The following PTPRD variants were observed in gnomAD, a reference collection of about 807,000 sequenced individuals.
The protein encoded by PTPRD is protein tyrosine phosphatase receptor type D, also known as receptor-type tyrosine-protein phosphatase delta.
In PTPRD, 34 loss-of-function variants were observed where a neutral mutation model predicts 214.5. The ratio of observed to expected loss-of-function variants is 0.16; its 90% CI spans 0.12 to 0.21. The LOEUF is 0.21. PTPRD is among the 10% of genes least tolerant of loss of function. The pLI is 1.00. For synonymous variants in PTPRD, 1,128 were observed against 845.7 expected (o/e 1.33, Z -5.79); for missense variants, 2,545 against 2,398.7 (o/e 1.06, Z -1.27).
At chr9:8,451,134 AG>A (rs924213459) in intron 33 of PTPRD, among the ~76,000 whole-genome samples, 3 of 152,194 alleles carry the variant, frequency 2.0e-5, no homozygotes, top group Admixed American at 6.5e-5. Context: ...AAAACTAACC[AG>A]GGGGTGAAGA....
intron 10 of PTPRD, among the ~76,000 whole-genome samples, chr9:9,092,569 G>T (rs999750295): frequency 6.6e-6 from 1 of 151,930 alleles, no homozygotes; most frequent in African/African-American, 2.4e-5. Flanking sequence ...ATATGAAAAA[G>T]TTATGACTTG....
rs553068632 is a variant in PTPRD at position 10,048,885 on chromosome 9, C to G, written c.-544-15095G>C. Among the ~76,000 whole-genome samples the G allele has an allele frequency of 2.6e-5, 4 of 151,904 alleles. No homozygotes were observed. In the South Asian group the frequency reaches 8.3e-4, roughly 32 times the overall value. Reference sequence around the variant, plus strand: ...TGAATTTTAACAGAGTCAAATTTAGCAAGCAGAAAGAGCAGAAAGGTGGTG... The same window carrying G: ...TGAATTTTAACAGAGTCAAATTTAGGAAGCAGAAAGAGCAGAAAGGTGGTG... On this transcript the variant is annotated intron_variant, in intron 3 of 45. Coordinates refer to ENST00000381196, the MANE Select transcript of PTPRD (RefSeq NM_002839.4).
intron 10 of PTPRD, among the ~76,000 whole-genome samples, chr9:9,064,078 T>C (rs972701686): frequency 2.6e-5 from 4 of 152,278 alleles, no homozygotes; most frequent in Admixed American, 6.5e-5. Flanking sequence ...ATTGTGCTAA[T>C]AATATACCAT....
At chr9:9,890,626 T>A (rs751488732) in intron 5 of PTPRD, among the ~76,000 whole-genome samples, 16 of 152,086 alleles carry the variant, frequency 1.1e-4, no homozygotes, top group Non-Finnish European at 2.2e-4. Flanking sequence ...GAGCAGGTTC[T>A]GGGATGGGAC....
At chr9:9,319,780 GA>G (rs987978207) in intron 9 of PTPRD, among the ~76,000 whole-genome samples, 1 of 152,088 alleles carries the variant, frequency 6.6e-6, no homozygotes, top group African/African-American at 2.4e-5. Context: ...ATTAAAATAA[GA>G]AAAACCAAGG....
intron 7 of PTPRD, among the ~76,000 whole-genome samples, chr9:9,661,002 A>T (rs2096612163): frequency 6.6e-6 from 1 of 151,974 alleles, no homozygotes; most frequent in South Asian, 2.1e-4. Context: ...TTATTCAGGT[A>T]ATGATCTAAA....
chr9:8,857,573 G>A (rs541941082), intron 11 of PTPRD: 1 of 152,702 alleles, frequency 6.5e-6, no homozygotes, highest in South Asian at 2.0e-4. Context: ...CGGGCGCAGG[G>A]CGATTCCGGA....
chr9:10,042,173 G>C (rs532046528), intron 3 of PTPRD, among the ~76,000 whole-genome samples: 22 of 152,028 alleles, frequency 1.4e-4, no homozygotes, highest in Non-Finnish European at 2.7e-4. Flanking sequence ...GCATATAAAA[G>C]ATAAGAGCAA....
chr9:10,387,273 A>C (rs976725363), intron 2 of PTPRD, among the ~76,000 whole-genome samples: 1 of 151,924 alleles, frequency 6.6e-6, no homozygotes, highest in African/African-American at 2.4e-5. Context: ...ACAGTCTCCA[A>C]TAATGCCTGT....
At chr9:8,339,154 A>G (rs2132254714) in intron 42 of PTPRD, 107 bp from the exon 43 acceptor site, 7 of 1,230,002 alleles carry the variant, frequency 5.7e-6, no homozygotes, top group Middle Eastern at 2.8e-4. Flanking sequence ...CCATTAATAA[A>G]ATTTCAAAAT....
At chr9:9,270,048 C>T (rs1284233147) in intron 9 of PTPRD, among the ~76,000 whole-genome samples, 4 of 150,446 alleles carry the variant, frequency 2.7e-5, no homozygotes, top group Admixed American at 1.3e-4. Flanking sequence ...GTGTTATATA[C>T]TGGAAATTTG....
intron 11 of PTPRD, among the ~76,000 whole-genome samples, chr9:8,902,716 A>G (rs937035603): frequency 6.6e-6 from 1 of 152,156 alleles, no homozygotes; most frequent in African/African-American, 2.4e-5. Context: ...AGCACCATAG[A>G]TCATAAGCTT....
intron 8 of PTPRD, among the ~76,000 whole-genome samples, chr9:9,457,803 T>A (rs757869731): frequency 6.6e-6 from 1 of 152,024 alleles, no homozygotes; most frequent in Non-Finnish European, 1.5e-5. Context: ...CTGGGACAAA[T>A]TATGTATGTT....
At chr9:9,245,638 A>T (rs1385168215) in intron 9 of PTPRD, among the ~76,000 whole-genome samples, 1 of 151,944 alleles carries the variant, frequency 6.6e-6, no homozygotes, top group East Asian at 1.9e-4. Context: ...GGGATGGGGG[A>T]GGGATAGCAT....
intron 3 of PTPRD, among the ~76,000 whole-genome samples, chr9:10,089,371 T>C (rs1172096448): frequency 3.3e-5 from 5 of 151,632 alleles, no homozygotes; most frequent in Admixed American, 1.3e-4. Flanking sequence ...GTATATGGAA[T>C]AGACTTATTT....
intron 2 of PTPRD, among the ~76,000 whole-genome samples, chr9:10,394,339 T>C (rs552685395): frequency 5.3e-5 from 8 of 151,146 alleles, no homozygotes; most frequent in African/African-American, 9.7e-5. Context: ...GTAACTTAGA[T>C]ATAATTTAAG....
intron 12 of PTPRD, among the ~76,000 whole-genome samples, chr9:8,683,258 GT>G (rs1323760572): frequency 6.6e-6 from 1 of 152,030 alleles, no homozygotes; most frequent in East Asian, 1.9e-4. Context: ...TGATTTGACT[GT>G]CAGGTTTGAA....
intron 6 of PTPRD, among the ~76,000 whole-genome samples, chr9:9,764,683 C>T (rs947319549): frequency 6.6e-6 from 1 of 151,992 alleles, no homozygotes; most frequent in Non-Finnish European, 1.5e-5. Flanking sequence ...CATTTTAATG[C>T]CTCCACAACC....
At position 8,469,730 on chromosome 9, in the gene PTPRD, A is replaced by C. The variant is rs991640816; in HGVS notation, c.3504+1265T>G. Among the ~76,000 whole-genome samples the C allele has an allele frequency of 4.6e-5, 7 of 152,096 alleles. 1 individual carries two copies. Among genetic ancestry groups the C allele is most frequent in the Admixed American group, 4.6e-4 (7 of 15,246 alleles). ...GATGACATTATTGAAATAATGTCTC[A>C]TTTTACACAGCTCCAATGATCATCT... is the stretch of plus-strand genomic sequence containing the variant. On this transcript the variant is annotated intron_variant, in intron 31 of 45. Coordinates refer to ENST00000381196, the MANE Select transcript of PTPRD (RefSeq NM_002839.4).
Sources: gnomAD v4.1 joint callset for allele counts (sites outside exome capture counted in the v4.1 genomes callset) on GRCh38, gnomAD v4.1.1 for gene constraint, MANE v1.5 for transcripts, NCBI Gene and HGNC (gene_info 2026-07-23, HGNC 2026-07-21) for gene names.